SH3PXD2A: variants seen among roughly 807,000 people sequenced by gnomAD.
The protein encoded by SH3PXD2A is SH3 and PX domains 2A.
Under a neutral mutation model 115.2 loss-of-function variants are expected in SH3PXD2A, and 32 were observed. The observed-to-expected ratio is 0.28, with a 90% CI of 0.21 to 0.37. The LOEUF (loss-of-function observed/expected upper bound fraction) is 0.37. Ranked by LOEUF, SH3PXD2A falls within the 10% of genes least tolerant of loss-of-function variation. The probability of loss-of-function intolerance (pLI) is 1.00; values close to 1 mark genes in which losing one functional copy is unlikely to be tolerated. For synonymous variants in SH3PXD2A, 610 were observed against 629.1 expected, an observed-to-expected ratio of 0.97 and a Z score of 0.45; for missense variants, 1,328 against 1,498.7, an observed-to-expected ratio of 0.89 and a Z score of 1.88.
intron 3 of SH3PXD2A, among the ~76,000 whole-genome samples, chr10:103,738,590 G>T (rs900761870): frequency 2.6e-5 from 4 of 152,166 alleles, no homozygotes; most frequent in African/African-American, 4.8e-5. Flanking sequence ...ACAGGAGGGT[G>T]GGGGAGGGCC....
chr10:103,757,257 A>C (rs959429624), intron 3 of SH3PXD2A, among the ~76,000 whole-genome samples: 1 of 152,184 alleles, frequency 6.6e-6, no homozygotes, highest in African/African-American at 2.4e-5. Context: ...GCCAACAAGC[A>C]AGGTGATCCC....
chr10:103,795,404 G>A (rs989143648), intron 2 of SH3PXD2A, among the ~76,000 whole-genome samples: 1 of 152,148 alleles, frequency 6.6e-6, no homozygotes, highest in African/African-American at 2.4e-5. Flanking sequence ...GAAGAGCAGA[G>A]GGTGTTATCC....
chr10:103,622,983 C>T (rs745622755), intron 9 of SH3PXD2A, among the ~76,000 whole-genome samples: 18 of 152,200 alleles, frequency 1.2e-4, no homozygotes, highest in African/African-American at 4.3e-4. Flanking sequence ...TATGTCCACT[C>T]GCTCACTGAG....
At chr10:103,642,179 AT>A (rs1190234353) in intron 8 of SH3PXD2A, among the ~76,000 whole-genome samples, 2 of 151,306 alleles carry the variant, frequency 1.3e-5, no homozygotes, top group African/African-American at 4.9e-5. Flanking sequence ...CAAGAAAGAA[AT>A]TTGCTAAGGA....
chr10:103,789,132 G>C (rs952634590), intron 2 of SH3PXD2A, among the ~76,000 whole-genome samples: 20 of 151,516 alleles, frequency 1.3e-4, no homozygotes, highest in African/African-American at 4.9e-4. Context: ...CATTCCAAAA[G>C]AGTCAAAAAC....
intron 6 of SH3PXD2A, among the ~76,000 whole-genome samples, chr10:103,692,616 T>C (rs1018102256): frequency 6.6e-6 from 1 of 152,194 alleles, no homozygotes. Context: ...AACCCTTCCA[T>C]CACCGCTGCA....
intron 5 of SH3PXD2A, among the ~76,000 whole-genome samples, chr10:103,716,864 A>C (rs1449974733): frequency 6.6e-6 from 1 of 152,242 alleles, no homozygotes; most frequent in South Asian, 2.1e-4. Flanking sequence ...GCAGCCTTGC[A>C]TCTCCAGAAG....
At chr10:103,655,372 T>G (rs2037195445) in intron 8 of SH3PXD2A, among the ~76,000 whole-genome samples, 1 of 152,200 alleles carries the variant, frequency 6.6e-6, no homozygotes, top group Admixed American at 6.5e-5. Flanking sequence ...GACACTTCTT[T>G]TCTAGGAGCA....
chr10:103,613,569 A>G (rs1384142463), intron 11 of SH3PXD2A, among the ~76,000 whole-genome samples: 4 of 152,128 alleles, frequency 2.6e-5, no homozygotes, highest in Admixed American at 2.6e-4. Flanking sequence ...AGATAAGAAG[A>G]AGGTGTGGAT....
At chr10:103,852,845 C>T (rs943109965) in intron 1 of SH3PXD2A, among the ~76,000 whole-genome samples, 1 of 152,108 alleles carries the variant, frequency 6.6e-6, no homozygotes, top group Non-Finnish European at 1.5e-5. Flanking sequence ...AGTTATTTGT[C>T]CTCTTAGCCA....
chr10:103,629,286 A>G (rs1046649162), intron 8 of SH3PXD2A, among the ~76,000 whole-genome samples: 2 of 152,224 alleles, frequency 1.3e-5, no homozygotes, highest in Admixed American at 6.5e-5. Flanking sequence ...GCTGGAACCC[A>G]CTAGTTGGGG....
intron 3 of SH3PXD2A, among the ~76,000 whole-genome samples, chr10:103,748,542 G>A (rs2038535296): frequency 6.6e-6 from 1 of 152,224 alleles, no homozygotes. Flanking sequence ...CCCTCGCAAA[G>A]GATACTGTGT....
At chr10:103,640,270 G>A (rs189769370) in intron 8 of SH3PXD2A, among the ~76,000 whole-genome samples, 6 of 151,880 alleles carry the variant, frequency 4.0e-5, no homozygotes, top group Admixed American at 2.6e-4. Context: ...AGCCAAGATC[G>A]CACCACTGCA....
At chr10:103,801,172 G>A in intron 2 of SH3PXD2A, 110 bp downstream of exon 2, 1 of 692,330 alleles carries the variant, frequency 1.4e-6, no homozygotes, top group South Asian at 1.7e-5. Flanking sequence ...GCTCCCACCT[G>A]GACTCTGACC....
intron 8 of SH3PXD2A, among the ~76,000 whole-genome samples, chr10:103,635,508 C>T (rs2036850412): frequency 6.6e-6 from 1 of 152,216 alleles, no homozygotes; most frequent in South Asian, 2.1e-4. Flanking sequence ...GATGACCCCT[C>T]CCAGACAGGG....
chr10:103,768,985 A>G (rs1164668166), intron 2 of SH3PXD2A, among the ~76,000 whole-genome samples: 1 of 152,042 alleles, frequency 6.6e-6, no homozygotes, highest in Non-Finnish European at 1.5e-5. Context: ...ACTCATTACT[A>G]TGAGAACAGG....
chr10:103,844,920 C>T (rs1317818207), intron 1 of SH3PXD2A, among the ~76,000 whole-genome samples: 2 of 152,192 alleles, frequency 1.3e-5, no homozygotes, highest in African/African-American at 4.8e-5. Flanking sequence ...CTGGGTAAAA[C>T]AAGGCTGAAA....
intron 2 of SH3PXD2A, among the ~76,000 whole-genome samples, chr10:103,780,507 C>T (rs2038921955): frequency 6.6e-6 from 1 of 152,192 alleles, no homozygotes; most frequent in South Asian, 2.1e-4. Context: ...TGAACCAGCA[C>T]CAGCCTCTTT....
chr10:103,602,710 C>T lies in SH3PXD2A; in HGVS notation c.2508G>A (p.Lys836=). ...PATTPPCPTK[K]EWEGPATSYM... ...ACGAGGTGGCTGGCCCTTCCCATTC[C>T]TTCTTGGTGGGACATGGGGGAGTGG... Residue 836 remains lysine, a synonymous_variant, in exon 15 of 15, where the codon AAG becomes AAA. Transcript: ENST00000369774. The T allele has an allele frequency of 6.2e-7, 1 of 1,614,174 alleles. No homozygotes were observed. The highest frequency in any genetic ancestry group is 8.5e-7 in the Non-Finnish European group (1 of 1,180,046).
Sources: gnomAD v4.1 joint callset for allele counts (sites outside exome capture counted in the v4.1 genomes callset) on GRCh38, gnomAD v4.1.1 for gene constraint, MANE v1.5 for transcripts, NCBI Gene and HGNC (gene_info 2026-07-23, HGNC 2026-07-21) for gene names.